TMEM233: variants seen among roughly 807,000 people sequenced by gnomAD.
The protein encoded by TMEM233 is dispanin subfamily B member 2.
A neutral mutation model predicts 11.2 loss-of-function variants in TMEM233; 6 were observed. That is an observed-to-expected ratio of 0.54 (90% CI 0.29 to 1.06). The LOEUF (loss-of-function observed/expected upper bound fraction) is 1.06. Among genes scored for constraint, TMEM233 ranks in the 50% least tolerant of loss-of-function variants. The probability of loss-of-function intolerance (pLI) is 0.08; values close to 1 mark genes in which losing one functional copy is unlikely to be tolerated. For synonymous variants in TMEM233, 59 were observed against 55.8 expected, an observed-to-expected ratio of 1.06 and a Z score of -0.26; for missense variants, 127 against 144.7, an observed-to-expected ratio of 0.88 and a Z score of 0.63.
At chr12:119,619,410 G>A (rs147091089) in intron 1 of TMEM233, among the ~76,000 whole-genome samples, 11 of 152,262 alleles carry the variant, frequency 7.2e-5, no homozygotes, top group Non-Finnish European at 1.6e-4. Flanking sequence ...GGAGGCCGAG[G>A]CAGGCAGATA....
At chr12:119,605,481 G>A (rs1040848371) in intron 1 of TMEM233, among the ~76,000 whole-genome samples, 4 of 130,626 alleles carry the variant, frequency 3.1e-5, no homozygotes, top group African/African-American at 1.1e-4. Context: ...AGGCTGGAGT[G>A]CAGTGGTACA....
At chr12:119,633,897 G>C (rs764186065) in intron 2 of TMEM233, among the ~76,000 whole-genome samples, 9 of 151,746 alleles carry the variant, frequency 5.9e-5, no homozygotes, top group Non-Finnish European at 1.3e-4. Flanking sequence ...TAGCATCCGA[G>C]CCTCACCTCC....
At chr12:119,626,495 AGG>A (rs1289584975) in intron 1 of TMEM233, among the ~76,000 whole-genome samples, 1,527 of 121,780 alleles carry the variant, frequency 0.013, 187 homozygotes, top group African/African-American at 0.051. Context: ...AAGAAGAAAA[AGG>A]AGGAGGAGGA....
chr12:119,638,866 G>A (rs1035253875), intron 2 of TMEM233, among the ~76,000 whole-genome samples: 10 of 151,976 alleles, frequency 6.6e-5, no homozygotes, highest in African/African-American at 1.2e-4. Context: ...CTGAGATCCC[G>A]TCTCTATTTT....
At chr12:119,621,063 T>C (rs1313864261) in intron 1 of TMEM233, among the ~76,000 whole-genome samples, 4 of 126,564 alleles carry the variant, frequency 3.2e-5, no homozygotes, top group Non-Finnish European at 5.1e-5. Context: ...TTTTTTTTTT[T>C]CTGAAACAGG....
rs1350220766 is a variant in TMEM233 at position 119,640,854 on chromosome 12, A to G, written c.*149A>G. 3.8e-6 allele frequency: 2 copies of G among 529,460 alleles called. No homozygotes were observed. The highest frequency in any genetic ancestry group is 5.3e-6 in the Non-Finnish European group (2 of 376,454). The allele number at this position is 529,460 out of a possible 1,614,324, so 32.8% of individuals were successfully genotyped here. On this transcript the variant is annotated 3_prime_UTR_variant, in exon 3 of 3. Transcript: ENST00000426426. ...AGAGGCAGGTCCCTGGCAAATGAAC[A>G]AGAAAAAAAAAAAAAAAAAGTCCAA...
chr12:119,613,901 A>T (rs547046382), intron 1 of TMEM233, among the ~76,000 whole-genome samples: 4 of 152,162 alleles, frequency 2.6e-5, no homozygotes, highest in Non-Finnish European at 5.9e-5. Flanking sequence ...TGGCCACACG[A>T]GACAGAAAGA....
intron 1 of TMEM233, among the ~76,000 whole-genome samples, chr12:119,622,322 A>C (rs574371583): frequency 1.1e-4 from 17 of 152,248 alleles, no homozygotes; most frequent in Admixed American, 2.0e-4. Context: ...TATTGACTGC[A>C]TGTGCTTCTA....
rs1050285264 is a variant in TMEM233, at chr12:119,594,238, C to T, written c.186+204C>T. On this transcript the variant is annotated intron_variant, in intron 1 of 2. Coordinates refer to ENST00000426426, the MANE Select transcript of TMEM233 (RefSeq NM_001136534.3). This position sits in a 1 kb window ranked among gnomAD's most constrained non-coding sequence, Gnocchi z 5.6. Reference sequence around the variant, plus strand: ...TCATCAGCACCTCCTCTGCACTCCTCGTGGTACTCAGAGCCCTGATCAAGC... The same window carrying T: ...TCATCAGCACCTCCTCTGCACTCCTTGTGGTACTCAGAGCCCTGATCAAGC... The T allele has an allele frequency of 1.0e-5, 6 of 585,228 alleles. No individual in the cohort carries two copies. The highest frequency in any genetic ancestry group is 9.2e-4 in the Middle Eastern group (2 of 2,180). The allele number at this position is 585,228 out of a possible 1,614,324, so 36.3% of individuals were successfully genotyped here.
At chr12:119,617,727 G>A (rs1266529944) in intron 1 of TMEM233, among the ~76,000 whole-genome samples, 1 of 152,112 alleles carries the variant, frequency 6.6e-6, no homozygotes, top group Non-Finnish European at 1.5e-5. Flanking sequence ...CAGCTACTCG[G>A]GAGGCTGAGG....
intron 1 of TMEM233, among the ~76,000 whole-genome samples, chr12:119,610,550 T>A (rs567888340): frequency 6.6e-6 from 1 of 152,072 alleles, no homozygotes; most frequent in East Asian, 1.9e-4. Flanking sequence ...TGGTGGGAGG[T>A]AATTGAATCA....
intron 1 of TMEM233, among the ~76,000 whole-genome samples, chr12:119,598,871 A>G (rs1954100370): frequency 6.6e-6 from 1 of 152,182 alleles, no homozygotes; most frequent in African/African-American, 2.4e-5. Context: ...TAAAAGTTAA[A>G]AGTTTTCAGG....
chr12:119,626,696 T>C (rs1954775031), intron 1 of TMEM233, among the ~76,000 whole-genome samples: 1 of 152,128 alleles, frequency 6.6e-6, no homozygotes, highest in South Asian at 2.1e-4. Context: ...CTCTTATTAT[T>C]AAAGGGAGAA....
intron 1 of TMEM233, among the ~76,000 whole-genome samples, chr12:119,604,614 T>A (rs1954230200): frequency 6.6e-6 from 1 of 152,004 alleles, no homozygotes; most frequent in Non-Finnish European, 1.5e-5. Context: ...TTTTTTTGGT[T>A]TGGTTGGTTT....
intron 2 of TMEM233, 28 bp from the exon 3 acceptor site, chr12:119,640,671 T>C: frequency 1.3e-6 from 2 of 1,524,116 alleles, no homozygotes; most frequent in South Asian, 1.2e-5. Context: ...ACGGTCTTTC[T>C]CTCTCTCTCT....
intron 1 of TMEM233, among the ~76,000 whole-genome samples, chr12:119,605,409 CTTT>C (rs6144897): frequency 2.5e-3 from 232 of 93,342 alleles, no homozygotes; most frequent in African/African-American, 8.0e-3. Context: ...TATGCCTTTC[CTTT>C]TTTTTTTTTT....
intron 2 of TMEM233, among the ~76,000 whole-genome samples, chr12:119,639,228 ATATATC>A (rs2136802855): frequency 6.6e-6 from 1 of 152,178 alleles, no homozygotes; most frequent in African/African-American, 2.4e-5. Context: ...CTGACAAATT[ATATATC>A]TATGTCTGTT....
At chr12:119,652,618 T>C in the TMEM233 span, among the ~76,000 whole-genome samples, 1 of 152,164 alleles carries the variant, frequency 6.6e-6, no homozygotes, top group Non-Finnish European at 1.5e-5. Flanking sequence ...CCATGGTGGC[T>C]GAAATTTGAT....
chr12:119,633,010 G>C (rs1427336904), intron 2 of TMEM233, among the ~76,000 whole-genome samples: 1 of 152,024 alleles, frequency 6.6e-6, no homozygotes, highest in Non-Finnish European at 1.5e-5. Context: ...ATGAAGTGTT[G>C]ATGTCTCTGC....
Sources: allele counts gnomAD v4.1 joint callset (sites outside exome capture counted in the v4.1 genomes callset), GRCh38; gene constraint gnomAD v4.1.1; non-coding constraint Gnocchi (gnomAD v3.1); transcripts MANE v1.5; gene names NCBI Gene and HGNC (gene_info 2026-07-23, HGNC 2026-07-21).